ZNF143: variants seen among roughly 807,000 people sequenced by gnomAD.
ZNF143 encodes zinc finger protein 143.
In ZNF143, 49 loss-of-function variants were observed where a neutral mutation model predicts 74.1. The ratio of observed to expected loss-of-function variants is 0.66; its 90% CI spans 0.53 to 0.84. The LOEUF (loss-of-function observed/expected upper bound fraction) is 0.84. Ranked by LOEUF, ZNF143 falls within the 40% of genes least tolerant of loss-of-function variation. The pLI is 0.00. For missense variants in ZNF143, 637 were observed against 793.4 expected (o/e 0.80, Z 2.37); for synonymous variants, 304 against 282.8 (o/e 1.07, Z -0.75).
intron 7 of ZNF143, among the ~76,000 whole-genome samples, chr11:9,494,015 A>G (rs111357938): frequency 6.6e-6 from 1 of 152,216 alleles, no homozygotes; most frequent in African/African-American, 2.4e-5. Flanking sequence ...AGGCAGGTAG[A>G]TGGATCACTT....
rs1491546428 is a variant in ZNF143 at position 9,486,414 on chromosome 11, T to TATATATAATATATTATATATATA, written c.645+6874_645+6875insAATATATTATATATATAATATAT. ...TATATATAATATATTATATATATAA[T>TATATATAATATATTATATATATA]ATATATTATATATATTATATATATA... On this transcript the variant is annotated intron_variant, in intron 7 of 15. Transcript: ENST00000396602. Among the ~76,000 whole-genome samples the TATATATAATATATTATATATATA allele has an allele frequency of 6.7e-4, 16 of 24,030 alleles. 1 individual carries two copies. Among genetic ancestry groups the TATATATAATATATTATATATATA allele is most frequent in the Non-Finnish European group, 1.2e-3 (16 of 13,058 alleles). The allele number at this position is 24,030 out of a possible 152,430, so 15.8% of individuals were successfully genotyped here. A position where few individuals can be genotyped will look rare whatever the true frequency, so the allele number is the denominator to read the frequency against.
chr11:9,487,982 G>A (rs1265738738), intron 7 of ZNF143, among the ~76,000 whole-genome samples: 1 of 152,090 alleles, frequency 6.6e-6, no homozygotes, highest in East Asian at 1.9e-4. Context: ...TCCTAGGTTT[G>A]TTTTTATGAC....
chr11:9,486,580 G>A (rs1847560702), intron 7 of ZNF143, among the ~76,000 whole-genome samples: 1 of 139,762 alleles, frequency 7.2e-6, no homozygotes, highest in Non-Finnish European at 1.5e-5. Flanking sequence ...GTTTTACACA[G>A]TAGAATGCCA....
rs139059057 is a variant in ZNF143, at chr11:9,462,721, A to G, written c.-8+1645A>G. Among the ~76,000 whole-genome samples the G allele has an allele frequency of 4.2e-3, 636 of 152,194 alleles. 6 individuals carry two copies. The highest frequency in any genetic ancestry group is 0.015 in the African/African-American group (610 of 41,516). On this transcript the variant is annotated intron_variant, in intron 1 of 15. Transcript: ENST00000396602. ...AAACCCCCGTCTCTGCGAAAAATACAAAAATTAGCCGGGTGTGGTGGCAGG... is the reference window on the plus strand; with the variant it reads ...AAACCCCCGTCTCTGCGAAAAATACGAAAATTAGCCGGGTGTGGTGGCAGG...
In ZNF143 at chr11:9,478,503, G is replaced by C; in HGVS notation, c.487G>C (p.Asp163His). Residue 163 changes from aspartate to histidine, a missense_variant, in exon 6 of 16, where the codon GAT (aspartate) becomes CAT (histidine). Coordinates refer to ENST00000396602, the MANE Select transcript of ZNF143 (RefSeq NM_003442.6). The stretch of plus-strand genomic sequence containing the variant: ...TGACACCATCTTGGCAATTCAGGCT[G>C]ATGGGACAGTGGCAGGTCTGCACAC... ...QSDTILAIQA[D>H]GTVAGLHTGD... is the part of the protein sequence containing the mutation. 6.2e-7 allele frequency: 1 copy of C among 1,614,216 alleles called. No homozygotes were observed. The highest frequency in any genetic ancestry group is 8.5e-7 in the Non-Finnish European group (1 of 1,180,044).
At position 9,482,372 on chromosome 11, in the gene ZNF143, G is replaced by A. The variant is rs567981334; in HGVS notation, c.645+2826G>A. ...TGTAAGCTCCGTCTCCCGGGTTCAC[G>A]CCATTCTCCTGCCTCAGCGTCTGGA... is the stretch of plus-strand genomic sequence containing the variant. On this transcript the variant is annotated intron_variant, in intron 7 of 15. Coordinates refer to ENST00000396602, the MANE Select transcript of ZNF143 (RefSeq NM_003442.6). Among the ~76,000 whole-genome samples the A allele has an allele frequency of 7.8e-4, 117 of 150,150 alleles. 4 individuals carry two copies. Among genetic ancestry groups the A allele is most frequent in the African/African-American group, 2.8e-3 (112 of 40,126 alleles).
At chr11:9,495,524 A>ATAG (rs1847929628) in intron 8 of ZNF143, among the ~76,000 whole-genome samples, 1 of 152,228 alleles carries the variant, frequency 6.6e-6, no homozygotes, top group African/African-American at 2.4e-5. Flanking sequence ...TGACTCAATA[A>ATAG]TAGCTAAGAT....
intron 7 of ZNF143, among the ~76,000 whole-genome samples, chr11:9,483,326 C>G: frequency 1.0e-5 from 1 of 97,308 alleles, no homozygotes; most frequent in Non-Finnish European, 1.9e-5. Flanking sequence ...GAGACGGCAT[C>G]TCGCTCTGTC....
chr11:9,471,064 T>C, intron 1 of ZNF143: 1 of 236,852 alleles, frequency 4.2e-6, no homozygotes, highest in South Asian at 1.4e-4. Context: ...TTCGTCAGTG[T>C]ACTTCTAAGT....
chr11:9,491,090 A>C (rs943651621), intron 7 of ZNF143, among the ~76,000 whole-genome samples: 14 of 152,314 alleles, frequency 9.2e-5, no homozygotes, highest in Non-Finnish European at 1.9e-4. Context: ...TTATTAAGAT[A>C]TATTTCACAT....
rs577877637 is a variant in ZNF143, at chr11:9,525,527, C to T, written c.1833+141C>T. On this transcript the variant is annotated intron_variant, in intron 15 of 15. Coordinates refer to ENST00000396602, the MANE Select transcript of ZNF143 (RefSeq NM_003442.6). ...ATCACCTAGCCTACTTTAAGGAAATCGGTGTATTTGAGGTGGACTCAAAAA... is the reference window on the plus strand; with the variant it reads ...ATCACCTAGCCTACTTTAAGGAAATTGGTGTATTTGAGGTGGACTCAAAAA... The T allele has an allele frequency of 3.5e-5, 40 of 1,149,538 alleles. 1 individual carries two copies. The Admixed American group carries it at 3.9e-4, about 11-fold the overall frequency. 71.2% of individuals were successfully genotyped at this position (1,149,538 alleles called of 1,614,324 possible).
chr11:9,508,789 CACA>C lies in ZNF143; in HGVS notation c.1321_1323del (p.Asn441del). The C allele has an allele frequency of 6.2e-7, 1 of 1,610,200 alleles. No individual in the cohort carries two copies. Among genetic ancestry groups the C allele is most frequent in the East Asian group, 2.2e-5 (1 of 44,742 alleles). ...GCTGGCCATGCACAAACGGACAGCC[CACA>C]ACGACACTGAGCCCATCGAGGAGGA... On this transcript the variant is annotated inframe_deletion, in exon 12 of 16. Coordinates refer to ENST00000396602, the MANE Select transcript of ZNF143 (RefSeq NM_003442.6).
intron 5 of ZNF143, among the ~76,000 whole-genome samples, chr11:9,477,497 C>T (rs916285277): frequency 1.3e-5 from 2 of 152,160 alleles, no homozygotes; most frequent in African/African-American, 2.4e-5. Flanking sequence ...CCTTGTGATC[C>T]GCCTGGCTTG....
At chr11:9,500,587 C>G (rs759074316) in intron 10 of ZNF143, among the ~76,000 whole-genome samples, 7 of 151,832 alleles carry the variant, frequency 4.6e-5, no homozygotes, top group African/African-American at 9.7e-5. Context: ...GCGCCCGGCA[C>G]CATGCCCAGC....
intron 10 of ZNF143, 132 bp from the exon 11 acceptor site, chr11:9,500,959 A>T (rs1441978051): frequency 9.4e-7 from 1 of 1,065,584 alleles, no homozygotes; most frequent in Non-Finnish European, 1.3e-6. Context: ...CCCCAAAAAA[A>T]TGCCTGAAAG....
In ZNF143 at chr11:9,471,440, G is replaced by C; in HGVS notation, c.112+20G>C. On this transcript the variant is annotated intron_variant, in intron 2 of 15. Coordinates refer to ENST00000396602, the MANE Select transcript of ZNF143 (RefSeq NM_003442.6). ...TGGCAGGTGAGCAGTTGTGTTTGAA[G>C]GGATGCGTTTGAAAATATCATTTAT... is the stretch of plus-strand genomic sequence containing the variant. 6.6e-7 allele frequency: 1 copy of C among 1,524,346 alleles called. No homozygotes were observed. Among genetic ancestry groups the C allele is most frequent in the Middle Eastern group, 1.7e-4 (1 of 5,754 alleles). 94.4% of individuals were successfully genotyped at this position (1,524,346 alleles called of 1,614,324 possible).
At chr11:9,475,318 G>T (rs1856811894) in intron 5 of ZNF143, among the ~76,000 whole-genome samples, 2 of 151,922 alleles carry the variant, frequency 1.3e-5, no homozygotes, top group Admixed American at 6.6e-5. Flanking sequence ...AGAGTGCAGT[G>T]GTACAATCAT....
chr11:9,480,732 A>G (rs1236164505), intron 7 of ZNF143, among the ~76,000 whole-genome samples: 1 of 151,930 alleles, frequency 6.6e-6, no homozygotes, highest in African/African-American at 2.4e-5. Context: ...CTAAAAATAC[A>G]AAAAATTAGC....
intron 13 of ZNF143, among the ~76,000 whole-genome samples, chr11:9,513,940 A>G (rs1848639671): frequency 6.6e-6 from 1 of 152,204 alleles, no homozygotes; most frequent in South Asian, 2.1e-4. Flanking sequence ...CCATTGTTGG[A>G]TAATTCTAGT....
Sources: allele counts gnomAD v4.1 joint callset (sites outside exome capture counted in the v4.1 genomes callset), GRCh38; gene constraint gnomAD v4.1.1; transcripts MANE v1.5; gene names NCBI Gene and HGNC (gene_info 2026-07-23, HGNC 2026-07-21).